Variants in ZCRB1 observed in about 807,000 individuals in gnomAD.
The protein encoded by ZCRB1 is zinc finger CCHC-type and RNA-binding motif-containing protein 1.
ZCRB1 carries 21 observed loss-of-function variants against 29.9 expected under a neutral mutation model. That is an observed-to-expected ratio of 0.70 (90% CI 0.50 to 1.01). ZCRB1 has a LOEUF of 1.01. Among genes scored for constraint, ZCRB1 ranks in the 50% least tolerant of loss-of-function variants. The pLI is 0.00. For synonymous variants in ZCRB1, 77 were observed against 80.0 expected (o/e 0.96, Z 0.20); for missense variants, 204 against 253.3 (o/e 0.81, Z 1.32).
intron 3 of ZCRB1, among the ~76,000 whole-genome samples, chr12:42,319,670 G>A (rs751058024): frequency 3.3e-5 from 5 of 152,066 alleles, no homozygotes; most frequent in South Asian, 2.1e-4. Context: ...TTTCTCCTCC[G>A]TTATGCTAGT....
At chr12:42,325,602 A>T (rs561590428) in intron 1 of ZCRB1, 1 of 151,718 alleles carries the variant, frequency 6.6e-6, no homozygotes, top group African/African-American at 2.4e-5. Context: ...TGTGTATTTG[A>T]GATGGGAAGA....
At chr12:42,317,204 A>G in intron 5 of ZCRB1, 136 bp downstream of exon 5, 1 of 623,132 alleles carries the variant, frequency 1.6e-6, no homozygotes. Flanking sequence ...CTATCTCAAA[A>G]AAATAAATAT....
rs374523011 is a variant in ZCRB1, at chr12:42,319,782, A to G, written c.114-1884T>C. On this transcript the variant is annotated intron_variant, in intron 3 of 7. Coordinates refer to ENST00000266529, the MANE Select transcript of ZCRB1 (RefSeq NM_033114.4). ...GTAATCCATATGTGCCCAGCTCAAT[A>G]TGTTGATTGATAGATATACCTTTAT... is the stretch of plus-strand genomic sequence containing the variant. Among the ~76,000 whole-genome samples, 6 of 152,300 alleles carry G rather than the reference A, an allele frequency of 3.9e-5. No homozygotes were observed. The East Asian group carries it at 9.6e-4, about 24-fold the overall frequency.
Position 42,317,809 on chromosome 12 carries a change from G to A in ZCRB1, c.203C>T (p.Thr68Ile). The change falls in exon 4 of 8, where the codon ACC becomes ATC. Residue 68 changes from threonine (T) to isoleucine (I), a missense_variant. By Grantham distance (89) the Thr-to-Ile change is moderately conservative. Coordinates refer to ENST00000266529, the MANE Select transcript of ZCRB1 (RefSeq NM_033114.4). ...FLDKDSAQNC[T>I]RAINNKQLFG... ...TACCTGTTTGTTGTTTATTGCCCTG[G>A]TACAGTTTTGTGCAGAGTCTTTATC... 6.2e-7 allele frequency: 1 copy of A among 1,613,132 alleles called. No homozygotes were observed. The highest frequency in any genetic ancestry group is 8.5e-7 in the Non-Finnish European group (1 of 1,179,792).
chr12:42,323,336 G>C (rs77444917), intron 2 of ZCRB1, among the ~76,000 whole-genome samples: 1,838 of 152,208 alleles, frequency 0.012, 41 homozygotes, highest in African/African-American at 0.042. Flanking sequence ...TAAATAGGTC[G>C]TATAAGGCAC....
intron 2 of ZCRB1, among the ~76,000 whole-genome samples, chr12:42,323,216 T>C (rs2068630114): frequency 1.3e-5 from 2 of 152,192 alleles, no homozygotes; most frequent in African/African-American, 4.8e-5. Context: ...AATAACTGGA[T>C]AGCAGTGTTA....
chr12:42,325,395 C>A (rs921063671), intron 1 of ZCRB1: 2 of 151,984 alleles, frequency 1.3e-5, no homozygotes, highest in African/African-American at 2.4e-5. Flanking sequence ...TTGCTTATTG[C>A]CAAATTATGA....
intron 5 of ZCRB1, among the ~76,000 whole-genome samples, chr12:42,315,932 T>A (rs1048727104): frequency 2.0e-5 from 3 of 152,108 alleles, no homozygotes; most frequent in Non-Finnish European, 4.4e-5. Context: ...TATTTAGTTA[T>A]CTTTTTTGTC....
At position 42,315,209 on chromosome 12, in the gene ZCRB1, G is replaced by C. The variant is rs574991201; in HGVS notation, c.334-1223C>G. On this transcript the variant is annotated intron_variant, in intron 5 of 7. Coordinates refer to ENST00000266529, the MANE Select transcript of ZCRB1 (RefSeq NM_033114.4). ...TTCTCATTTGACAATGCTGGACTAG[G>C]CTATTATTCCTACTTAGCTAGAACA... Among the ~76,000 whole-genome samples, 4 of 152,234 alleles carry C rather than the reference G, an allele frequency of 2.6e-5. No homozygotes were observed. The South Asian group carries it at 8.3e-4, about 32-fold the overall frequency.
intron 2 of ZCRB1, among the ~76,000 whole-genome samples, chr12:42,323,199 A>C (rs751987347): frequency 3.7e-4 from 57 of 152,186 alleles, no homozygotes; most frequent in South Asian, 4.1e-4. Flanking sequence ...ATAATGCTGG[A>C]ATGTAAAATA....
chr12:42,321,822 G>A (rs945028032), intron 3 of ZCRB1, among the ~76,000 whole-genome samples: 1 of 152,096 alleles, frequency 6.6e-6, no homozygotes. Context: ...TAATATAGTT[G>A]CTTGATTTAA....
intron 4 of ZCRB1, 29 bp from the exon 5 acceptor site, chr12:42,317,476 A>G (rs374491298): frequency 7.6e-5 from 113 of 1,489,782 alleles, no homozygotes; most frequent in Non-Finnish European, 1.0e-4. Flanking sequence ...TAAATGTAGA[A>G]TGTATTTCAC....
rs1346439952 is a variant in ZCRB1, at chr12:42,324,014, C to T, written c.84+5G>A. On this transcript the variant is annotated splice_donor_5th_base_variant and intron_variant, in intron 2 of 7. Transcript: ENST00000266529. Reference sequence around the variant, plus strand: ...AATAGCAGTCACTCGATAAGATTTACTTACCCGGTACAAGTCATTGTTTGT... The same window carrying T: ...AATAGCAGTCACTCGATAAGATTTATTTACCCGGTACAAGTCATTGTTTGT... 6.2e-7 allele frequency: 1 copy of T among 1,612,358 alleles called. No homozygotes were observed. The highest frequency in any genetic ancestry group is 1.1e-5 in the South Asian group (1 of 91,038).
intron 5 of ZCRB1, 78 bp downstream of exon 5, chr12:42,317,262 T>C: frequency 1.0e-6 from 1 of 1,004,100 alleles, no homozygotes; most frequent in East Asian, 2.6e-5. Context: ...TCAGAAGTTT[T>C]GGTGAGCAAA....
intron 5 of ZCRB1, among the ~76,000 whole-genome samples, chr12:42,316,475 A>G (rs981975309): frequency 1.3e-5 from 2 of 152,114 alleles, no homozygotes; most frequent in African/African-American, 4.8e-5. Flanking sequence ...CTTGGTACCA[A>G]TACAGACCTT....
chr12:42,322,288 A>G (rs1592104117), intron 3 of ZCRB1, 130 bp downstream of exon 3: 1 of 942,422 alleles, frequency 1.1e-6, no homozygotes, highest in Non-Finnish European at 1.5e-6. Flanking sequence ...AATTGTCATA[A>G]AAATGTTAAT....
intron 3 of ZCRB1, among the ~76,000 whole-genome samples, chr12:42,319,375 G>C (rs2068610243): frequency 6.6e-6 from 1 of 151,976 alleles, no homozygotes; most frequent in Admixed American, 6.6e-5. Context: ...AAAAATCTTT[G>C]GTTCTGTAAG....
In ZCRB1 at chr12:42,312,818, A is replaced by G; in HGVS notation, c.*249T>C. The G allele has an allele frequency of 3.9e-6, 1 of 258,430 alleles. No individual in the cohort carries two copies. The highest frequency in any genetic ancestry group is 7.0e-6 in the Non-Finnish European group (1 of 142,114). 16.0% of individuals were successfully genotyped at this position (258,430 alleles called of 1,614,324 possible). On this transcript the variant is annotated 3_prime_UTR_variant, in exon 8 of 8. Transcript: ENST00000266529. ...TTATTAATATAAGTAACAATAAATC[A>G]TTCAACTTTTCGGTCTTCAGGAAGT... is the stretch of plus-strand genomic sequence containing the variant.
intron 3 of ZCRB1, among the ~76,000 whole-genome samples, chr12:42,320,728 G>A (rs1347381920): frequency 6.6e-6 from 1 of 152,132 alleles, no homozygotes; most frequent in Admixed American, 6.5e-5. Context: ...GGGATTACAG[G>A]TGTGTGCCAC....
Sources: gnomAD v4.1 joint callset for allele counts (sites outside exome capture counted in the v4.1 genomes callset) on GRCh38, gnomAD v4.1.1 for gene constraint, MANE v1.5 for transcripts, NCBI Gene and HGNC (gene_info 2026-07-23, HGNC 2026-07-21) for gene names.